The following NCAM1 variants were observed in gnomAD, a reference collection of about 807,000 sequenced individuals.
The protein encoded by NCAM1 is antigen recognized by monoclonal antibody 5.1H11.
In NCAM1, 14 loss-of-function variants were observed where a neutral mutation model predicts 109.8. The observed-to-expected ratio is 0.13, with a 90% CI of 0.08 to 0.20. The LOEUF (loss-of-function observed/expected upper bound fraction) is 0.20. NCAM1 is among the 10% of genes least tolerant of loss of function. The pLI is 1.00. For missense variants in NCAM1, 774 were observed against 1,109.9 expected, an observed-to-expected ratio of 0.70 and a Z score of 4.30; for synonymous variants, 418 against 442.9, an observed-to-expected ratio of 0.94 and a Z score of 0.70.
rs143985160 is a variant in NCAM1, at chr11:113,054,850, AG to A, written c.52+93190del. ...CTGAGGGAGCAAGAGAGCCACTCAA[AG>A]GGGAAGCATAGCATTTATAGAGAGG... is the stretch of plus-strand genomic sequence containing the variant. On this transcript the variant is annotated intron_variant, in intron 1 of 19. Transcript: ENST00000316851. Among the ~76,000 whole-genome samples, 1,467 of 152,292 alleles carry A rather than the reference AG, an allele frequency of 9.6e-3. 19 individuals are homozygous for A. The highest frequency in any genetic ancestry group is 0.033 in the African/African-American group (1,370 of 41,556).
chr11:113,110,507 G>A (rs1555093464), intron 1 of NCAM1, among the ~76,000 whole-genome samples: 1 of 152,154 alleles, frequency 6.6e-6, no homozygotes, highest in Non-Finnish European at 1.5e-5. Context: ...AGGTTATAGG[G>A]TTTGGGTCAT....
chr11:113,100,777 A>G (rs540133412), intron 1 of NCAM1, among the ~76,000 whole-genome samples: 1 of 152,252 alleles, frequency 6.6e-6, no homozygotes, highest in Non-Finnish European at 1.5e-5. Context: ...GGAAAAAGCA[A>G]CATTCAGGCA....
intron 1 of NCAM1, among the ~76,000 whole-genome samples, chr11:113,046,204 A>T (rs1406526531): frequency 6.6e-6 from 1 of 152,208 alleles, no homozygotes; most frequent in East Asian, 1.9e-4. Flanking sequence ...TACTTATTTA[A>T]TTCCCTGGAT....
chr11:113,205,687 C>T (rs1555112732), intron 4 of NCAM1, 21 bp downstream of exon 4: 2 of 1,608,408 alleles, frequency 1.2e-6, no homozygotes, highest in Non-Finnish European at 1.7e-6. Context: ...AATTTCCTGG[C>T]ATCTGCCTTT....
chr11:113,277,010 T>C lies in NCAM1; in HGVS notation c.*1623T>C, dbSNP rs2137829987. 1 of 237,726 alleles carries C rather than the reference T, an allele frequency of 4.2e-6. No homozygotes were observed. The highest frequency in any genetic ancestry group is 7.9e-5 in the East Asian group (1 of 12,722). The allele number at this position is 237,726 out of a possible 1,614,324, so 14.7% of individuals were successfully genotyped here. A position where few individuals can be genotyped will look rare whatever the true frequency, so the allele number is the denominator to read the frequency against. ...CAACATAGTTTGGTTGTGGAAGGTATAGCAGATAGTTCAGAAAAAATATTC... is the reference window on the plus strand; with the variant it reads ...CAACATAGTTTGGTTGTGGAAGGTACAGCAGATAGTTCAGAAAAAATATTC... On this transcript the variant is annotated 3_prime_UTR_variant, in exon 20 of 20. Coordinates refer to ENST00000316851, the MANE Select transcript of NCAM1 (RefSeq NM_181351.5).
At chr11:113,235,450 A>G in intron 14 of NCAM1, 1 of 678,940 alleles carries the variant, frequency 1.5e-6, no homozygotes, top group Admixed American at 1.9e-5. Context: ...TATTAAAGGA[A>G]GTGGGGAGAA....
intron 14 of NCAM1, among the ~76,000 whole-genome samples, chr11:113,239,893 G>A (rs552163015): frequency 6.6e-5 from 10 of 152,272 alleles, no homozygotes; most frequent in South Asian, 6.2e-4. Flanking sequence ...AGGCAGTGGC[G>A]GAGATACACT....
chr11:113,111,299 C>T (rs1940434101), intron 1 of NCAM1, among the ~76,000 whole-genome samples: 1 of 151,568 alleles, frequency 6.6e-6, no homozygotes, highest in Non-Finnish European at 1.5e-5. Flanking sequence ...TTCTAAATTG[C>T]AAAAGTAATT....
chr11:113,040,654 T>C (rs1953044135), intron 1 of NCAM1, among the ~76,000 whole-genome samples: 1 of 152,240 alleles, frequency 6.6e-6, no homozygotes, highest in Non-Finnish European at 1.5e-5. Flanking sequence ...TGGAATTGTT[T>C]GTATTTTTAA....
At chr11:113,163,265 T>G (rs1942663899) in intron 1 of NCAM1, among the ~76,000 whole-genome samples, 1 of 152,094 alleles carries the variant, frequency 6.6e-6, no homozygotes, top group South Asian at 2.1e-4. Context: ...GTCTGTAAAA[T>G]AAATACCGCA....
chr11:113,269,310 G>A (rs1226937090), intron 17 of NCAM1, among the ~76,000 whole-genome samples: 1 of 152,196 alleles, frequency 6.6e-6, no homozygotes, highest in Non-Finnish European at 1.5e-5. Context: ...CACAGGCTGA[G>A]TCTTTCACAG....
chr11:112,976,339 C>CT, intron 1 of NCAM1, among the ~76,000 whole-genome samples: 1 of 151,894 alleles, frequency 6.6e-6, no homozygotes, highest in South Asian at 2.1e-4. Flanking sequence ...TCACTTTCAT[C>CT]TTTTTATTTA....
intron 1 of NCAM1, among the ~76,000 whole-genome samples, chr11:113,002,183 A>T (rs1031227869): frequency 1.3e-5 from 2 of 152,152 alleles, no homozygotes; most frequent in Non-Finnish European, 2.9e-5. Context: ...AAAATGGGGG[A>T]GCAGTTGTTT....
intron 1 of NCAM1, among the ~76,000 whole-genome samples, chr11:113,154,882 T>C (rs971193224): frequency 2.0e-5 from 3 of 152,028 alleles, no homozygotes; most frequent in Non-Finnish European, 4.4e-5. Flanking sequence ...CTGCTGGAGA[T>C]TGGAGATATA....
intron 15 of NCAM1, among the ~76,000 whole-genome samples, chr11:113,255,006 T>C (rs1171553122): frequency 6.6e-6 from 1 of 152,222 alleles, no homozygotes; most frequent in Non-Finnish European, 1.5e-5. Flanking sequence ...CACATGCAAG[T>C]TCATCTTCCT....
Position 113,273,760 on chromosome 11 carries a change from C to G in NCAM1, c.2457-1507C>G. On this transcript the variant is annotated intron_variant, in intron 19 of 19. Coordinates refer to ENST00000316851, the MANE Select transcript of NCAM1 (RefSeq NM_181351.5). This position sits in a 1 kb window ranked among gnomAD's most constrained non-coding sequence, Gnocchi z 6.0. ...CCAGCAAAGACCGAGTACGGCCTCT[C>G]TTTGTCTGCTGTCATCGGGTTGTGT... 1 of 428,112 alleles carries G rather than the reference C, an allele frequency of 2.3e-6. No individual in the cohort carries two copies. The highest frequency in any genetic ancestry group is 3.4e-4 in the Middle Eastern group (1 of 2,948). The allele number at this position is 428,112 out of a possible 1,614,324, so 26.5% of individuals were successfully genotyped here.
intron 1 of NCAM1, among the ~76,000 whole-genome samples, chr11:113,024,287 C>T (rs1213223725): frequency 1.3e-5 from 2 of 152,208 alleles, no homozygotes; most frequent in Non-Finnish European, 2.9e-5. Context: ...CGGTTTTGAA[C>T]TTTAGCGAAA....
intron 1 of NCAM1, among the ~76,000 whole-genome samples, chr11:113,012,182 C>T (rs1555074636): frequency 6.6e-6 from 1 of 151,996 alleles, no homozygotes; most frequent in African/African-American, 2.4e-5. Context: ...TCATGCCTGG[C>T]TAATTTTTGT....
At chr11:113,270,045 G>T (rs1347807658) in intron 17 of NCAM1, 143 bp from the exon 18 acceptor site, 1 of 748,284 alleles carries the variant, frequency 1.3e-6, no homozygotes, top group Non-Finnish European at 2.3e-6. Context: ...GGCATAGAAG[G>T]TCCCCAGGAA....
Sources: allele counts gnomAD v4.1 joint callset (sites outside exome capture counted in the v4.1 genomes callset), GRCh38; gene constraint gnomAD v4.1.1; non-coding constraint Gnocchi (gnomAD v3.1); transcripts MANE v1.5; gene names NCBI Gene and HGNC (gene_info 2026-07-23, HGNC 2026-07-21).